ANO3: variants seen among roughly 807,000 people sequenced by gnomAD.
ANO3 encodes anoctamin 3.
A neutral mutation model predicts 144.8 loss-of-function variants in ANO3; 99 were observed. The ratio of observed to expected loss-of-function variants is 0.68; its 90% CI spans 0.58 to 0.81. ANO3 has a LOEUF of 0.81. Among genes scored for constraint, ANO3 ranks in the 30% least tolerant of loss-of-function variants. The pLI is 0.00. For synonymous variants in ANO3, 414 were observed against 392.6 expected, an observed-to-expected ratio of 1.05 and a Z score of -0.64; for missense variants, 905 against 1,202.2, an observed-to-expected ratio of 0.75 and a Z score of 3.66.
intron 3 of ANO3, among the ~76,000 whole-genome samples, chr11:26,451,991 C>A (rs921440524): frequency 6.6e-6 from 1 of 152,164 alleles, no homozygotes; most frequent in Non-Finnish European, 1.5e-5. Context: ...TGGAGTGGAC[C>A]TCTAGCAAAC....
Position 26,643,305 on chromosome 11 carries a change from G to A in ANO3, c.2399G>A (p.Arg800Lys). 6.2e-7 allele frequency: 1 copy of A among 1,614,108 alleles called. No individual in the cohort carries two copies. Among genetic ancestry groups the A allele is most frequent in the Non-Finnish European group, 8.5e-7 (1 of 1,180,002 alleles). Residue 800 changes from arginine to lysine, a missense_variant, in exon 23 of 27, where the codon AGG (arginine) becomes AAG (lysine). Coordinates refer to ENST00000256737, the MANE Select transcript of ANO3 (RefSeq NM_031418.4). ...TACAAATTTGTCACTCAATGGCGGA[G>A]GCCTTTGCCAGCCCGAGCAACTGAC... ...DAYKFVTQWR[R>K]PLPARATDIG...
rs1001929543 is a variant in ANO3, at chr11:26,549,208, G to A, written c.1289+1658G>A. Among the ~76,000 whole-genome samples the A allele has an allele frequency of 5.3e-5, 8 of 151,942 alleles. No individual in the cohort carries two copies. The South Asian group carries it at 1.5e-3, about 28-fold the overall frequency. On this transcript the variant is annotated intron_variant, in intron 12 of 26. Transcript: ENST00000256737. ...ATGAGATAATTATTCTCTAACCTTTGGTACAAGGAGTGTTCTAAAAGGCAT... is the reference window on the plus strand; with the variant it reads ...ATGAGATAATTATTCTCTAACCTTTAGTACAAGGAGTGTTCTAAAAGGCAT...
chr11:26,320,838 A>G (rs1170588527), intron 1 of ANO3, among the ~76,000 whole-genome samples: 1 of 152,098 alleles, frequency 6.6e-6, no homozygotes, highest in Non-Finnish European at 1.5e-5. Context: ...CTTGCCTTAA[A>G]TATTTTTATT....
chr11:26,404,511 G>A (rs1414126188), intron 1 of ANO3, among the ~76,000 whole-genome samples: 1 of 151,742 alleles, frequency 6.6e-6, no homozygotes, highest in African/African-American at 2.4e-5. Flanking sequence ...GTGAGTAAGA[G>A]TATTGAAAAG....
chr11:26,206,546 A>G (rs1252914661), intron 1 of ANO3, among the ~76,000 whole-genome samples: 5 of 152,152 alleles, frequency 3.3e-5, no homozygotes, highest in Non-Finnish European at 7.4e-5. Flanking sequence ...GGAGGACATC[A>G]GTATAATTAT....
intron 3 of ANO3, among the ~76,000 whole-genome samples, chr11:26,455,311 A>T (rs1452713459): frequency 2.7e-5 from 4 of 150,816 alleles, no homozygotes; most frequent in African/African-American, 9.8e-5. Flanking sequence ...ACATGATTGT[A>T]TATCTAGAAA....
intron 17 of ANO3, among the ~76,000 whole-genome samples, chr11:26,604,875 A>G (rs1389098114): frequency 6.6e-6 from 1 of 152,150 alleles, no homozygotes; most frequent in Non-Finnish European, 1.5e-5. Flanking sequence ...AGACAATTTG[A>G]CTTCCTCTCT....
intron 26 of ANO3, among the ~76,000 whole-genome samples, chr11:26,659,590 G>C (rs1483342374): frequency 6.6e-6 from 1 of 152,014 alleles, no homozygotes; most frequent in Non-Finnish European, 1.5e-5. Context: ...CCAGCTACTT[G>C]GGAGTCTGAG....
At chr11:26,443,999 A>G (rs560732619) in intron 3 of ANO3, among the ~76,000 whole-genome samples, 163 bp downstream of exon 3, 1 of 152,182 alleles carries the variant, frequency 6.6e-6, no homozygotes, top group Non-Finnish European at 1.5e-5. Context: ...TAAGAAATGT[A>G]TAGTTTGGAA....
intron 1 of ANO3, among the ~76,000 whole-genome samples, chr11:26,213,839 G>A (rs1166127152): frequency 6.6e-6 from 1 of 151,966 alleles, no homozygotes; most frequent in East Asian, 1.9e-4. Flanking sequence ...GTGCAAATTA[G>A]TAAAGGTGAG....
chr11:26,462,419 A>T (rs1307890195), intron 3 of ANO3, among the ~76,000 whole-genome samples: 1 of 151,878 alleles, frequency 6.6e-6, no homozygotes, highest in Non-Finnish European at 1.5e-5. Flanking sequence ...TTCATTGTTC[A>T]TGTACATCCT....
intron 1 of ANO3, among the ~76,000 whole-genome samples, chr11:26,290,108 G>A (rs888720487): frequency 2.0e-5 from 3 of 152,066 alleles, no homozygotes; most frequent in African/African-American, 7.2e-5. Context: ...GGTCTATTCA[G>A]GGATTCAACT....
At chr11:26,258,165 G>T (rs1168338378) in intron 1 of ANO3, among the ~76,000 whole-genome samples, 2 of 152,120 alleles carry the variant, frequency 1.3e-5, no homozygotes, top group Non-Finnish European at 2.9e-5. Context: ...TCTTACAAGA[G>T]TAAGTATGTA....
At chr11:26,246,062 T>A (rs1852784653) in intron 1 of ANO3, among the ~76,000 whole-genome samples, 2 of 152,140 alleles carry the variant, frequency 1.3e-5, no homozygotes, top group Non-Finnish European at 2.9e-5. Context: ...ACACCTTCAT[T>A]CTGTGATCTG....
chr11:26,248,581 C>T (rs1852852188), intron 1 of ANO3, among the ~76,000 whole-genome samples: 1 of 152,070 alleles, frequency 6.6e-6, no homozygotes, highest in Non-Finnish European at 1.5e-5. Flanking sequence ...TTCAAGGAAT[C>T]TTTTCAACTT....
chr11:26,387,640 G>T (rs551685613), intron 1 of ANO3, among the ~76,000 whole-genome samples: 1 of 152,114 alleles, frequency 6.6e-6, no homozygotes, highest in Non-Finnish European at 1.5e-5. Context: ...AATTTTTGAA[G>T]ATCTAAACCT....
chr11:26,564,870 C>G (rs891049675), intron 14 of ANO3, among the ~76,000 whole-genome samples: 3 of 147,806 alleles, frequency 2.0e-5, no homozygotes, highest in Non-Finnish European at 4.5e-5. Context: ...CCTAGTATCT[C>G]AAAGCTGTAC....
At chr11:26,381,237 C>G (rs1293862529) in intron 1 of ANO3, among the ~76,000 whole-genome samples, 1 of 152,142 alleles carries the variant, frequency 6.6e-6, no homozygotes. Context: ...ACCCATTATT[C>G]TAACTTCAGT....
chr11:26,257,904 A>T (rs1853096404), intron 1 of ANO3, among the ~76,000 whole-genome samples: 1 of 152,190 alleles, frequency 6.6e-6, no homozygotes, highest in Non-Finnish European at 1.5e-5. Flanking sequence ...GATTGAAAAG[A>T]AATAAAATTT....
Sources: gnomAD v4.1 joint callset for allele counts (sites outside exome capture counted in the v4.1 genomes callset) on GRCh38, gnomAD v4.1.1 for gene constraint, MANE v1.5 for transcripts, NCBI Gene and HGNC (gene_info 2026-07-23, HGNC 2026-07-21) for gene names.